The following MAP3K14 variants were observed in gnomAD, a reference collection of about 807,000 sequenced individuals.
MAP3K14 encodes NF-kappa-beta-inducing kinase.
A neutral mutation model predicts 99.2 loss-of-function variants in MAP3K14; 16 were observed. That is an observed-to-expected ratio of 0.16 (90% CI 0.11 to 0.24). MAP3K14 has a LOEUF of 0.24. MAP3K14 is among the 10% of genes least tolerant of loss of function. The pLI, the probability that MAP3K14 is intolerant of heterozygous loss-of-function variation, is 1.00. For synonymous variants in MAP3K14, 462 were observed against 492.4 expected, an observed-to-expected ratio of 0.94 and a Z score of 0.82; for missense variants, 784 against 1,208.7, an observed-to-expected ratio of 0.65 and a Z score of 5.21.
intron 9 of MAP3K14, among the ~76,000 whole-genome samples, 191 bp from the exon 10 acceptor site, chr17:45,271,412 C>A (rs903102737): frequency 6.6e-6 from 1 of 152,200 alleles, no homozygotes; most frequent in African/African-American, 2.4e-5. Flanking sequence ...ATGGCGCGAT[C>A]TTGGCTCACT....
Position 45,264,174 on chromosome 17 carries a change from C to T in MAP3K14, c.*462G>A, listed in dbSNP as rs182015337. On this transcript the variant is annotated 3_prime_UTR_variant, in exon 16 of 16. Coordinates refer to ENST00000344686, the MANE Select transcript of MAP3K14 (RefSeq NM_003954.5). ...CCTACGGGCGGGCATACCTGCTGAC[C>T]TGGTTCTGCACTGAACCTGAGTTTG... 6.5e-6 allele frequency: 1 copy of T among 154,956 alleles called. No homozygotes were observed. Among genetic ancestry groups the T allele is most frequent in the East Asian group, 1.9e-4 (1 of 5,270 alleles). 9.6% of individuals were successfully genotyped at this position (154,956 alleles called of 1,614,324 possible). A position where few individuals can be genotyped will look rare whatever the true frequency, so the allele number is the denominator to read the frequency against.
intron 1 of MAP3K14, among the ~76,000 whole-genome samples, chr17:45,299,616 G>A (rs1288946985): frequency 6.6e-6 from 1 of 152,200 alleles, no homozygotes; most frequent in East Asian, 1.9e-4. Flanking sequence ...CACTGTGAGT[G>A]AAACGCAGCT....
At chr17:45,284,078 T>C (rs1461937543) in intron 6 of MAP3K14, among the ~76,000 whole-genome samples, 1 of 152,200 alleles carries the variant, frequency 6.6e-6, no homozygotes, top group African/African-American at 2.4e-5. Flanking sequence ...CACACTGTCC[T>C]CTCTGCTCTC....
At chr17:45,289,482 C>G (rs1287082901) in intron 2 of MAP3K14, among the ~76,000 whole-genome samples, 177 bp from the exon 3 acceptor site, 1 of 152,150 alleles carries the variant, frequency 6.6e-6, no homozygotes, top group Non-Finnish European at 1.5e-5. Flanking sequence ...CTCTCCCCAG[C>G]TTCTCAGCTT....
chr17:45,291,234 C>T (rs16939953), intron 1 of MAP3K14, among the ~76,000 whole-genome samples: 6,323 of 152,152 alleles, frequency 0.042, 209 homozygotes, highest in Middle Eastern at 0.061. Flanking sequence ...CCATCCACAG[C>T]GACTTTTCTC....
At chr17:45,308,868 T>C (rs948704747) in intron 1 of MAP3K14, among the ~76,000 whole-genome samples, 1 of 152,236 alleles carries the variant, frequency 6.6e-6, no homozygotes, top group East Asian at 1.9e-4. Context: ...GGTCTCACCA[T>C]GTTGGCCAGG....
At chr17:45,288,579 T>C (rs1241645525) in intron 3 of MAP3K14, among the ~76,000 whole-genome samples, 3 of 152,080 alleles carry the variant, frequency 2.0e-5, no homozygotes, top group African/African-American at 7.2e-5. Context: ...GGTTTCACCA[T>C]GTTGGCCAGG....
At chr17:45,284,255 C>A (rs1567993693) in intron 6 of MAP3K14, among the ~76,000 whole-genome samples, 1 of 152,222 alleles carries the variant, frequency 6.6e-6, no homozygotes, top group Non-Finnish European at 1.5e-5. Context: ...AGGGCTCTTG[C>A]CACCCGGCCA....
At position 45,286,360 on chromosome 17, in the gene MAP3K14, T is replaced by C. The variant is rs546454947; in HGVS notation, c.1152+71A>G. 6.8e-7 allele frequency: 1 copy of C among 1,465,726 alleles called. No homozygotes were observed. Among genetic ancestry groups the C allele is most frequent in the African/African-American group, 1.4e-5 (1 of 70,816 alleles). The allele number at this position is 1,465,726 out of a possible 1,614,324, so 90.8% of individuals were successfully genotyped here. On this transcript the variant is annotated intron_variant, in intron 5 of 15. Transcript: ENST00000344686. This position sits in a 1 kb window ranked among gnomAD's most constrained non-coding sequence, Gnocchi z 4.1. ...TTGTCACCACAGGCAAGAGTGACTCTGATAAAGAGAGAAAAGCATCCCCCA... is the reference window on the plus strand; with the variant it reads ...TTGTCACCACAGGCAAGAGTGACTCCGATAAAGAGAGAAAAGCATCCCCCA...
intron 10 of MAP3K14, 82 bp from the exon 11 acceptor site, chr17:45,270,645 CG>C: frequency 6.9e-7 from 1 of 1,442,652 alleles, no homozygotes; most frequent in Non-Finnish European, 9.1e-7. Flanking sequence ...GCGCAACTCC[CG>C]CCGGCCCCTG....
chr17:45,266,711 G>T, intron 13 of MAP3K14, 30 bp from the exon 14 acceptor site: 2 of 1,586,200 alleles, frequency 1.3e-6, no homozygotes, highest in South Asian at 2.2e-5. Flanking sequence ...TACGGGCTCA[G>T]GGCCCTGGGC....
chr17:45,316,796 G>C (rs1056938735), intron 1 of MAP3K14, among the ~76,000 whole-genome samples, 164 bp downstream of exon 1: 1 of 151,768 alleles, frequency 6.6e-6, no homozygotes, highest in Non-Finnish European at 1.5e-5. Context: ...ACCGCTGCGA[G>C]TGGGTTGGAC....
At chr17:45,312,496 T>A (rs1456566163) in intron 1 of MAP3K14, among the ~76,000 whole-genome samples, 1 of 152,254 alleles carries the variant, frequency 6.6e-6, no homozygotes, top group African/African-American at 2.4e-5. Flanking sequence ...TGAGAGCCTA[T>A]ATTTTTGTTT....
intron 1 of MAP3K14, among the ~76,000 whole-genome samples, chr17:45,315,351 C>T (rs1247897018): frequency 6.6e-6 from 1 of 152,080 alleles, no homozygotes; most frequent in Admixed American, 6.6e-5. Context: ...AGCTTGGCAG[C>T]GTCTTGCTGT....
chr17:45,313,386 C>T (rs970287997), intron 1 of MAP3K14, among the ~76,000 whole-genome samples: 1 of 152,192 alleles, frequency 6.6e-6, no homozygotes, highest in African/African-American at 2.4e-5. Flanking sequence ...GCACTGGGCT[C>T]AGCACTTTAC....
In MAP3K14 at chr17:45,286,910, C is replaced by T. The variant is rs577537257; in HGVS notation, c.673G>A (p.Glu225Lys). The change falls in exon 5 of 16, where the codon GAA becomes AAA. Residue 225 changes from glutamate to lysine, a missense_variant. Coordinates refer to ENST00000344686, the MANE Select transcript of MAP3K14 (RefSeq NM_003954.5). This position sits in a 1 kb window ranked among gnomAD's most constrained non-coding sequence, Gnocchi z 4.1. ...EGLRPALPRS[E>K]LHKLISPLQC... ...AAGGGGCTGATCAGTTTGTGGAGTT[C>T]TGATCGAGGCAGAGCCGGCCGTAGG... 1 of 1,614,046 alleles carries T rather than the reference C, an allele frequency of 6.2e-7. No individual in the cohort carries two copies. Among genetic ancestry groups the T allele is most frequent in the African/African-American group, 1.3e-5 (1 of 75,062 alleles).
At chr17:45,294,484 T>C (rs555000592) in intron 1 of MAP3K14, among the ~76,000 whole-genome samples, 5 of 152,272 alleles carry the variant, frequency 3.3e-5, no homozygotes, top group Admixed American at 2.6e-4. Flanking sequence ...GAAGACTTGG[T>C]CCATAGCTTT....
At chr17:45,268,601 T>C (rs2044117040) in intron 11 of MAP3K14, 1 of 152,040 alleles carries the variant, frequency 6.6e-6, no homozygotes, top group Non-Finnish European at 1.5e-5. Flanking sequence ...CTGGGTCCCA[T>C]TCTGTGTCGG....
chr17:45,303,363 C>T (rs2044405234), intron 1 of MAP3K14, among the ~76,000 whole-genome samples: 1 of 152,136 alleles, frequency 6.6e-6, no homozygotes, highest in Non-Finnish European at 1.5e-5. Flanking sequence ...GAGTTCAAGA[C>T]CAGCCTGGCC....
Sources: gnomAD v4.1 joint callset for allele counts (sites outside exome capture counted in the v4.1 genomes callset) on GRCh38, gnomAD v4.1.1 for gene constraint, Gnocchi (gnomAD v3.1) non-coding constraint, MANE v1.5 for transcripts, NCBI Gene and HGNC (gene_info 2026-07-23, HGNC 2026-07-21) for gene names.